Variants in DHRS7B observed in about 807,000 individuals in gnomAD.
DHRS7B encodes dehydrogenase/reductase 7B.
In DHRS7B, 24 loss-of-function variants were observed where a neutral mutation model predicts 26.4. The ratio of observed to expected loss-of-function variants is 0.91; its 90% CI spans 0.66 to 1.28. The LOEUF is 1.28. Among genes scored for constraint, DHRS7B ranks in the 50% most tolerant of loss-of-function variants. The probability of loss-of-function intolerance (pLI) is 0.00; values close to 1 mark genes in which losing one functional copy is unlikely to be tolerated. For synonymous variants in DHRS7B, 142 were observed against 166.4 expected (o/e 0.85, Z 1.13); for missense variants, 368 against 419.4 (o/e 0.88, Z 1.07).
intron 1 of DHRS7B, among the ~76,000 whole-genome samples, chr17:21,136,281 AAC>A (rs1491323213): frequency 2.7e-4 from 40 of 149,728 alleles, no homozygotes; most frequent in African/African-American, 9.4e-4. Flanking sequence ...CAGCCTGGGC[AAC>A]AAGAGCAAAA....
intron 1 of DHRS7B, among the ~76,000 whole-genome samples, chr17:21,130,258 C>T (rs1973199322): frequency 6.6e-6 from 1 of 152,008 alleles, no homozygotes; most frequent in South Asian, 2.1e-4. Context: ...TGTGTGGTGG[C>T]GTGTGCCTGT....
chr17:21,186,748 C>T (rs953480105), intron 5 of DHRS7B, among the ~76,000 whole-genome samples: 15 of 152,212 alleles, frequency 9.9e-5, no homozygotes, highest in African/African-American at 3.6e-4. Flanking sequence ...TCACTGTGTT[C>T]CCATTCAGAG....
In DHRS7B at chr17:21,184,468, G is replaced by A; in HGVS notation, c.619+5G>A. On this transcript the variant is annotated splice_donor_5th_base_variant and intron_variant, in intron 5 of 6. Coordinates refer to ENST00000395511, the MANE Select transcript of DHRS7B (RefSeq NM_015510.5). The stretch of plus-strand genomic sequence containing the variant: ...GCATTCCTTTTCGATCAGCATGTGA[G>A]TACTTCTCTCTCCCACAAAATGCTT... The A allele has an allele frequency of 1.2e-6, 2 of 1,611,192 alleles. No individual in the cohort carries two copies. Among genetic ancestry groups the A allele is most frequent in the Non-Finnish European group, 1.7e-6 (2 of 1,178,846 alleles).
intron 1 of DHRS7B, among the ~76,000 whole-genome samples, chr17:21,135,936 C>G (rs558988906): frequency 1.3e-5 from 2 of 152,102 alleles, no homozygotes; most frequent in Non-Finnish European, 2.9e-5. Flanking sequence ...GTCAGGAATG[C>G]AGTTTATTTT....
intron 5 of DHRS7B, among the ~76,000 whole-genome samples, chr17:21,185,369 C>G (rs1974608516): frequency 6.6e-6 from 1 of 152,236 alleles, no homozygotes; most frequent in Non-Finnish European, 1.5e-5. Context: ...ATAGGGCCAG[C>G]TGTGAACTGA....
chr17:21,162,411 A>G (rs539283521), intron 1 of DHRS7B, among the ~76,000 whole-genome samples: 1 of 152,304 alleles, frequency 6.6e-6, no homozygotes, highest in South Asian at 2.1e-4. Context: ...GGCAAATAAA[A>G]CAACACATCT....
chr17:21,147,811 T>C (rs753504853), intron 1 of DHRS7B, among the ~76,000 whole-genome samples: 25 of 151,922 alleles, frequency 1.6e-4, no homozygotes, highest in Non-Finnish European at 3.2e-4. Flanking sequence ...CCCTGGAAAC[T>C]CTGCTCTGTA....
intron 1 of DHRS7B, among the ~76,000 whole-genome samples, chr17:21,143,681 A>G (rs11869988): frequency 1.8e-4 from 28 of 152,154 alleles, no homozygotes; most frequent in African/African-American, 6.8e-4. Flanking sequence ...TTTACAAATT[A>G]TGATAGTAAA....
At chr17:21,178,592 TC>T (rs1567628434) in intron 3 of DHRS7B, among the ~76,000 whole-genome samples, 1 of 152,110 alleles carries the variant, frequency 6.6e-6, no homozygotes, top group Non-Finnish European at 1.5e-5. Flanking sequence ...TTTCTCCCTT[TC>T]CTTTTACCTG....
intron 1 of DHRS7B, among the ~76,000 whole-genome samples, chr17:21,138,436 G>A (rs539629169): frequency 1.3e-5 from 2 of 151,450 alleles, no homozygotes; most frequent in South Asian, 4.2e-4. Flanking sequence ...TGTTAGCCAG[G>A]ATGGTCTTGA....
intron 4 of DHRS7B, 103 bp from the exon 5 acceptor site, chr17:21,184,268 C>T (rs1974579164): frequency 2.0e-6 from 2 of 1,021,568 alleles, no homozygotes; most frequent in Non-Finnish European, 1.5e-6. Context: ...TCACCATTCT[C>T]CCTCATTCTG....
chr17:21,137,025 C>T (rs555900444), intron 1 of DHRS7B, among the ~76,000 whole-genome samples: 78 of 147,244 alleles, frequency 5.3e-4, no homozygotes, highest in African/African-American at 1.8e-3. Context: ...GGCTGGAGTG[C>T]GGTGGTGTAA....
chr17:21,140,002 T>C (rs1213116001), intron 1 of DHRS7B, among the ~76,000 whole-genome samples: 2 of 148,310 alleles, frequency 1.3e-5, no homozygotes, highest in African/African-American at 2.5e-5. Flanking sequence ...ACCTTTTTTT[T>C]CCTATCAGAC....
chr17:21,147,423 A>G (rs1464901080), intron 1 of DHRS7B, among the ~76,000 whole-genome samples: 2 of 152,118 alleles, frequency 1.3e-5, no homozygotes, highest in African/African-American at 4.8e-5. Context: ...AGCTGACTTC[A>G]CTCACCTCCA....
At chr17:21,167,317 C>T (rs779700368) in intron 1 of DHRS7B, among the ~76,000 whole-genome samples, 2 of 152,144 alleles carry the variant, frequency 1.3e-5, no homozygotes, top group Non-Finnish European at 2.9e-5. Context: ...CCCAAGGAAC[C>T]CTCACCCTTA....
intron 1 of DHRS7B, among the ~76,000 whole-genome samples, chr17:21,157,420 G>C (rs1302923572): frequency 1.3e-5 from 2 of 152,168 alleles, no homozygotes; most frequent in East Asian, 3.8e-4. Context: ...AATCAGGCTA[G>C]GCACAGTGCT....
At chr17:21,155,379 G>C (rs1973857772) in intron 1 of DHRS7B, among the ~76,000 whole-genome samples, 1 of 152,174 alleles carries the variant, frequency 6.6e-6, no homozygotes. Flanking sequence ...AGCAAGGAAA[G>C]TTATCAGGGT....
chr17:21,190,656 A>T (rs1158294859), intron 6 of DHRS7B, among the ~76,000 whole-genome samples: 1 of 152,222 alleles, frequency 6.6e-6, no homozygotes, highest in East Asian at 1.9e-4. Context: ...CACCAGGCAG[A>T]CAGACTCACT....
At chr17:21,169,451 G>A (rs1010374896) in intron 1 of DHRS7B, among the ~76,000 whole-genome samples, 2 of 152,154 alleles carry the variant, frequency 1.3e-5, no homozygotes, top group Admixed American at 1.3e-4. Context: ...AACCCAGGAG[G>A]GAGGTCCTCT....
Sources: gnomAD v4.1 joint callset for allele counts (sites outside exome capture counted in the v4.1 genomes callset) on GRCh38, gnomAD v4.1.1 for gene constraint, MANE v1.5 for transcripts, NCBI Gene and HGNC (gene_info 2026-07-23, HGNC 2026-07-21) for gene names.